ADAMTS6: variants seen among roughly 807,000 people sequenced by gnomAD.
ADAMTS6 encodes the protein A disintegrin and metalloproteinase with thrombospondin motifs 6.
Under a neutral mutation model 144.3 loss-of-function variants are expected in ADAMTS6, and 23 were observed. The ratio of observed to expected loss-of-function variants is 0.16; its 90% CI spans 0.11 to 0.23. ADAMTS6 has a LOEUF of 0.23. ADAMTS6 is among the 10% of genes least tolerant of loss of function. ADAMTS6 has a pLI of 1.00. For missense variants in ADAMTS6, 999 were observed against 1,379.6 expected, an observed-to-expected ratio of 0.72 and a Z score of 4.37; for synonymous variants, 444 against 457.5, an observed-to-expected ratio of 0.97 and a Z score of 0.38.
chr5:65,181,138 T>C (rs1039051215), intron 22 of ADAMTS6, among the ~76,000 whole-genome samples: 20 of 152,264 alleles, frequency 1.3e-4, no homozygotes, highest in African/African-American at 4.8e-4. Context: ...AAGTGTTTTC[T>C]GGATGTCAGG....
At chr5:65,345,147 A>C (rs1748200471) in intron 7 of ADAMTS6, among the ~76,000 whole-genome samples, 1 of 151,792 alleles carries the variant, frequency 6.6e-6, no homozygotes, top group Non-Finnish European at 1.5e-5. Context: ...TATAGAGTTA[A>C]AGCCCTCTAG....
chr5:65,214,311 T>C lies in ADAMTS6; in HGVS notation c.2575+483A>G, dbSNP rs550823736. On this transcript the variant is annotated intron_variant, in intron 20 of 24. Transcript: ENST00000381055. This position sits in a 1 kb window ranked among gnomAD's most constrained non-coding sequence, Gnocchi z 4.6. ...CAGTAATTATTGTAGCATCCCAGTA[T>C]ACAGCCCCTTAACTTTGATGGCAGG... is the stretch of plus-strand genomic sequence containing the variant. 3 of 310,150 alleles carry C rather than the reference T, an allele frequency of 9.7e-6. No individual in the cohort carries two copies. The Admixed American group carries it at 1.5e-4, about 15-fold the overall frequency. The allele number at this position is 310,150 out of a possible 1,614,324, so 19.2% of individuals were successfully genotyped here.
intron 12 of ADAMTS6, among the ~76,000 whole-genome samples, chr5:65,271,876 G>GA (rs1008294222): frequency 8.6e-5 from 13 of 151,522 alleles, no homozygotes; most frequent in Non-Finnish European, 1.3e-4. Flanking sequence ...TTACTTTAGT[G>GA]AAAAAAAATA....
At chr5:65,354,792 T>C (rs757986040) in intron 7 of ADAMTS6, among the ~76,000 whole-genome samples, 1 of 151,772 alleles carries the variant, frequency 6.6e-6, no homozygotes, top group Non-Finnish European at 1.5e-5. Context: ...CACTGAAAGA[T>C]GGTATTTGTG....
At chr5:65,345,861 T>C (rs16875177) in intron 7 of ADAMTS6, among the ~76,000 whole-genome samples, 6,835 of 151,936 alleles carry the variant, frequency 0.045, 294 homozygotes, top group African/African-American at 0.11. Context: ...TTAATGCAAA[T>C]ATCTTTTATT....
intron 14 of ADAMTS6, among the ~76,000 whole-genome samples, chr5:65,253,101 T>C (rs1179626547): frequency 1.3e-5 from 2 of 152,028 alleles, no homozygotes; most frequent in Non-Finnish European, 2.9e-5. Flanking sequence ...TTGCCCAGGC[T>C]TGTCTCAAAC....
At chr5:65,459,231 C>T (rs1759467527) in intron 4 of ADAMTS6, among the ~76,000 whole-genome samples, 1 of 152,106 alleles carries the variant, frequency 6.6e-6, no homozygotes, top group South Asian at 2.1e-4. Context: ...CTCCTTAGCT[C>T]TAGTCTTGCT....
chr5:65,247,705 G>T (rs1759755078), intron 14 of ADAMTS6, among the ~76,000 whole-genome samples: 1 of 152,010 alleles, frequency 6.6e-6, no homozygotes, highest in Non-Finnish European at 1.5e-5. Context: ...AAGATATGCA[G>T]GCTGGAAGGA....
chr5:65,375,426 C>G (rs1751428453), intron 7 of ADAMTS6, among the ~76,000 whole-genome samples: 1 of 151,604 alleles, frequency 6.6e-6, no homozygotes, highest in African/African-American at 2.4e-5. Flanking sequence ...AAAAAACAAA[C>G]AACCCCATCA....
chr5:65,398,858 GAGAAAGAA>G (rs1298410745), intron 7 of ADAMTS6, among the ~76,000 whole-genome samples: 34 of 149,894 alleles, frequency 2.3e-4, no homozygotes, highest in Middle Eastern at 3.4e-3. Flanking sequence ...GAAAAAGAAA[GAGAAAGAA>G]AGAAAGAAAG....
intron 9 of ADAMTS6, among the ~76,000 whole-genome samples, chr5:65,308,773 A>G (rs1164926760): frequency 6.6e-6 from 1 of 152,216 alleles, no homozygotes; most frequent in African/African-American, 2.4e-5. Flanking sequence ...ATGAATAAGC[A>G]GCTTAATTAA....
At chr5:65,414,052 A>G (rs1456913311) in intron 7 of ADAMTS6, among the ~76,000 whole-genome samples, 3 of 152,128 alleles carry the variant, frequency 2.0e-5, no homozygotes, top group Non-Finnish European at 4.4e-5. Flanking sequence ...CTCATGTACA[A>G]AGTGCCCTCC....
At chr5:65,207,292 A>G (rs1756171460) in intron 20 of ADAMTS6, among the ~76,000 whole-genome samples, 1 of 152,190 alleles carries the variant, frequency 6.6e-6, no homozygotes, top group South Asian at 2.1e-4. Flanking sequence ...AAAAAATTGG[A>G]GAAAGTTATC....
At chr5:65,244,867 T>G (rs1477839431) in intron 14 of ADAMTS6, among the ~76,000 whole-genome samples, 2 of 152,154 alleles carry the variant, frequency 1.3e-5, no homozygotes, top group African/African-American at 4.8e-5. Context: ...AGGAACAATT[T>G]GGGTTCTAGA....
chr5:65,239,263 T>TTA (rs750012170), intron 15 of ADAMTS6, among the ~76,000 whole-genome samples: 1 of 142,864 alleles, frequency 7.0e-6, no homozygotes, highest in African/African-American at 2.5e-5. Flanking sequence ...ACTTAATGTA[T>TTA]AAAAAAAAAA....
Position 65,248,452 on chromosome 5 carries a change from T to G in ADAMTS6, c.1831-6246A>C, listed in dbSNP as rs115939059. Among the ~76,000 whole-genome samples, 1,201 of 152,216 alleles carry G rather than the reference T, an allele frequency of 7.9e-3. 15 individuals carry two copies. The highest frequency in any genetic ancestry group is 0.027 in the African/African-American group (1,131 of 41,536). ...TGTATATGCCTTAAATAGTCTGAAT[T>G]TAATTAAAATGCCATCTACCTACAG... On this transcript the variant is annotated intron_variant, in intron 14 of 24. Transcript: ENST00000381055.
At chr5:65,304,156 T>A (rs1415638255) in intron 9 of ADAMTS6, among the ~76,000 whole-genome samples, 3 of 152,200 alleles carry the variant, frequency 2.0e-5, no homozygotes, top group Non-Finnish European at 4.4e-5. Flanking sequence ...TAGGTTTTAG[T>A]CATCTAAGAG....
chr5:65,348,522 A>T (rs935640205), intron 7 of ADAMTS6, among the ~76,000 whole-genome samples: 2 of 152,100 alleles, frequency 1.3e-5, no homozygotes, highest in African/African-American at 2.4e-5. Context: ...GGGAATGGGG[A>T]GATATTGATT....
chr5:65,429,912 G>A (rs1756859398), intron 7 of ADAMTS6, among the ~76,000 whole-genome samples: 1 of 151,892 alleles, frequency 6.6e-6, no homozygotes, highest in African/African-American at 2.4e-5. Context: ...TAAGAAAGTA[G>A]GCATTCTAAC....
Sources: gnomAD v4.1 joint callset for allele counts (sites outside exome capture counted in the v4.1 genomes callset) on GRCh38, gnomAD v4.1.1 for gene constraint, Gnocchi (gnomAD v3.1) non-coding constraint, MANE v1.5 for transcripts, NCBI Gene and HGNC (gene_info 2026-07-23, HGNC 2026-07-21) for gene names.